The following NEDD4L variants were observed in gnomAD, a reference collection of about 807,000 sequenced individuals.
NEDD4L encodes the protein NEDD4 like E3 ubiquitin protein ligase, also known as E3 ubiquitin-protein ligase NEDD4-like.
NEDD4L carries 54 observed loss-of-function variants against 148.9 expected under a neutral mutation model. The observed-to-expected ratio is 0.36, with a 90% CI of 0.29 to 0.45. The LOEUF is 0.45. Ranked by LOEUF, NEDD4L falls within the 20% of genes least tolerant of loss-of-function variation. The pLI is 1.00. For missense variants in NEDD4L, 856 were observed against 1,233.8 expected (o/e 0.69, Z 4.59); for synonymous variants, 433 against 440.7 (o/e 0.98, Z 0.22).
At chr18:58,158,192 C>G (rs543176867) in intron 1 of NEDD4L, among the ~76,000 whole-genome samples, 31 of 152,338 alleles carry the variant, frequency 2.0e-4, no homozygotes, top group African/African-American at 7.2e-4. Flanking sequence ...AGTTCCTTAT[C>G]GCAGAGATTG....
At chr18:58,181,740 G>GT (rs1204906375) in intron 2 of NEDD4L, among the ~76,000 whole-genome samples, 1 of 152,128 alleles carries the variant, frequency 6.6e-6, no homozygotes, top group Non-Finnish European at 1.5e-5. Context: ...TATATAAATA[G>GT]TTGCCTATAT....
rs1195939221 is a variant in NEDD4L at position 58,256,068 on chromosome 18, G to A, written c.297+4014G>A. 31 of 1,228,640 alleles carry A rather than the reference G, an allele frequency of 2.5e-5. No individual in the cohort carries two copies. The highest frequency in any genetic ancestry group is 9.6e-5 in the East Asian group (3 of 31,376). 76.1% of individuals were successfully genotyped at this position (1,228,640 alleles called of 1,614,324 possible). On this transcript the variant is annotated intron_variant, in intron 5 of 30. Coordinates refer to ENST00000400345, the MANE Select transcript of NEDD4L (RefSeq NM_001144967.3). This position sits in a 1 kb window ranked among gnomAD's most constrained non-coding sequence, Gnocchi z 5.2. ...AGGGCCTCGCCCCAGAGTGGCTCCC[G>A]GGAGCCCTCGCCGAGGGACACCCCC...
rs138964800 is a variant in NEDD4L, at chr18:58,327,183, C to T, written c.681-1812C>T. Reference sequence around the variant, plus strand: ...CACCATCTCGGCTCACTGCAACCTCCGCCTCCCAGGTTCAAGCGATTCTCC... The same window carrying T: ...CACCATCTCGGCTCACTGCAACCTCTGCCTCCCAGGTTCAAGCGATTCTCC... On this transcript the variant is annotated intron_variant, in intron 9 of 30. Transcript: ENST00000400345. Among the ~76,000 whole-genome samples the T allele has an allele frequency of 8.3e-3, 1,267 of 152,238 alleles. 44 individuals are homozygous for T. In the East Asian group the frequency reaches 0.098, roughly 12 times the overall value.
Position 58,265,723 on chromosome 18 carries a change from G to A in NEDD4L, c.297+13669G>A, listed in dbSNP as rs540159855. ...GGACCACAGGTACATGTCAACACAC[G>A]CAGCTAATTTTTTAGTTTTTGTAGA... On this transcript the variant is annotated intron_variant, in intron 5 of 30. Transcript: ENST00000400345. Among the ~76,000 whole-genome samples, 9 of 151,984 alleles carry A rather than the reference G, an allele frequency of 5.9e-5. No homozygotes were observed. In the South Asian group the frequency reaches 1.7e-3, roughly 28 times the overall value.
At chr18:58,231,237 CAAAAA>C (rs67220469) in intron 2 of NEDD4L, among the ~76,000 whole-genome samples, 36,878 of 89,640 alleles carry the variant, frequency 0.41, 5,781 homozygotes, top group African/African-American at 0.54. Context: ...GACCCTATCT[CAAAAA>C]AAAAAAAAAA....
intron 5 of NEDD4L, among the ~76,000 whole-genome samples, chr18:58,253,857 T>G (rs887079295): frequency 6.6e-6 from 1 of 152,208 alleles, no homozygotes; most frequent in Admixed American, 6.5e-5. Context: ...AAAAGGACTT[T>G]GAATACAAAA....
At chr18:58,306,905 A>AGC (rs2057130090) in intron 5 of NEDD4L, among the ~76,000 whole-genome samples, 1 of 152,216 alleles carries the variant, frequency 6.6e-6, no homozygotes, top group East Asian at 1.9e-4. Context: ...AAGTGCTGGG[A>AGC]TTACAGGCGT....
chr18:58,101,469 A>T (rs940728467), intron 1 of NEDD4L, among the ~76,000 whole-genome samples: 1 of 152,002 alleles, frequency 6.6e-6, no homozygotes, highest in African/African-American at 2.4e-5. Context: ...GTGCCTGGTC[A>T]TGGAAAGAGC....
chr18:58,187,084 C>T (rs1231950346), intron 2 of NEDD4L, among the ~76,000 whole-genome samples: 3 of 152,222 alleles, frequency 2.0e-5, no homozygotes, highest in African/African-American at 7.2e-5. Flanking sequence ...GAGAAGGCCA[C>T]TCAGTAGGAA....
Position 58,399,946 on chromosome 18 carries a change from C to G in NEDD4L, c.*3677C>G, listed in dbSNP as rs1347290321. On this transcript the variant is annotated 3_prime_UTR_variant, in exon 31 of 31. Coordinates refer to ENST00000400345, the MANE Select transcript of NEDD4L (RefSeq NM_001144967.3). The stretch of plus-strand genomic sequence containing the variant: ...CACAGCAACTTTTTAATTATTCTAA[C>G]AGTTACCCATTAACAGTCGACTCCT... 1 of 152,234 alleles carries G rather than the reference C, an allele frequency of 6.6e-6. No individual in the cohort carries two copies. Among genetic ancestry groups the G allele is most frequent in the South Asian group, 2.1e-4 (1 of 4,832 alleles). 9.4% of individuals were successfully genotyped at this position (152,234 alleles called of 1,614,324 possible).
intron 6 of NEDD4L, among the ~76,000 whole-genome samples, chr18:58,319,655 C>A (rs1448620702): frequency 6.6e-6 from 1 of 152,202 alleles, no homozygotes; most frequent in African/African-American, 2.4e-5. Flanking sequence ...CTCCAGGGAA[C>A]AGGATCAGAT....
chr18:58,216,622 G>T (rs975192743), intron 2 of NEDD4L, among the ~76,000 whole-genome samples: 1 of 152,220 alleles, frequency 6.6e-6, no homozygotes, highest in Admixed American at 6.5e-5. Flanking sequence ...GCAGAACTGA[G>T]GAAATGTCCT....
rs997137108 is a variant in NEDD4L, at chr18:58,397,389, G to C, written c.*1120G>C. 4 of 152,584 alleles carry C rather than the reference G, an allele frequency of 2.6e-5. No homozygotes were observed. Among genetic ancestry groups the C allele is most frequent in the Admixed American group, 6.5e-5 (1 of 15,280 alleles). The allele number at this position is 152,584 out of a possible 1,614,324, so 9.5% of individuals were successfully genotyped here. ...TATCATGAACATTAAATGTGATGAT[G>C]ATTTCTTTTCCCTGCACACATCTTT... is the stretch of plus-strand genomic sequence containing the variant. On this transcript the variant is annotated 3_prime_UTR_variant, in exon 31 of 31. Coordinates refer to ENST00000400345, the MANE Select transcript of NEDD4L (RefSeq NM_001144967.3).
intron 2 of NEDD4L, among the ~76,000 whole-genome samples, chr18:58,216,332 G>C (rs937137366): frequency 2.6e-5 from 4 of 152,170 alleles, no homozygotes; most frequent in Admixed American, 2.6e-4. Flanking sequence ...CTTTAGGGCT[G>C]TGTGGGTGCT....
intron 5 of NEDD4L, among the ~76,000 whole-genome samples, chr18:58,260,702 A>G (rs1824353153): frequency 6.6e-6 from 1 of 152,238 alleles, no homozygotes; most frequent in Admixed American, 6.5e-5. Flanking sequence ...TGCACAATTA[A>G]AAAGTATATG....
At chr18:58,234,045 T>TTTTC (rs1156456436) in intron 2 of NEDD4L, among the ~76,000 whole-genome samples, 10,320 of 117,224 alleles carry the variant, frequency 0.088, 722 homozygotes, top group Middle Eastern at 0.13. Flanking sequence ...ATTTCTTTCC[T>TTTTC]TTTCTTTCTT....
At position 58,044,496 on chromosome 18, in the gene NEDD4L, C is replaced by T. The variant is rs1228285702; in HGVS notation, c.-165C>T. On this transcript the variant is annotated 5_prime_UTR_variant, in exon 1 of 31. Coordinates refer to ENST00000400345, the MANE Select transcript of NEDD4L (RefSeq NM_001144967.3). ...CGGTGCCGGCAGCGTCCAGGGCGCG[C>T]TCTCGGGCACCCTCACCTGCCGGCG... 7.4e-6 allele frequency: 7 copies of T among 940,710 alleles called. No individual in the cohort carries two copies. The highest frequency in any genetic ancestry group is 9.8e-6 in the Non-Finnish European group (7 of 717,720). 58.3% of individuals were successfully genotyped at this position (940,710 alleles called of 1,614,324 possible). A position where few individuals can be genotyped will look rare whatever the true frequency, so the allele number is the denominator to read the frequency against.
At chr18:58,218,597 A>T (rs1330719200) in intron 2 of NEDD4L, among the ~76,000 whole-genome samples, 1 of 152,150 alleles carries the variant, frequency 6.6e-6, no homozygotes, top group African/African-American at 2.4e-5. Flanking sequence ...CCTTTTGCTT[A>T]TTGCATTCTG....
rs540340208 is a variant in NEDD4L at position 58,046,764 on chromosome 18, A to G, written c.48+2056A>G. On this transcript the variant is annotated intron_variant, in intron 1 of 30. Coordinates refer to ENST00000400345, the MANE Select transcript of NEDD4L (RefSeq NM_001144967.3). ...TTGCTAGAAGGGAATTTGGGGCTGT[A>G]TAGGAAATAGCAAGAGGTGATGAAG... 2.0e-5 allele frequency: 3 copies of G among 152,336 alleles called. No homozygotes were observed. The South Asian group carries it at 6.2e-4, about 32-fold the overall frequency. The allele number at this position is 152,336 out of a possible 1,614,324, so 9.4% of individuals were successfully genotyped here.
Sources: gnomAD v4.1 joint callset for allele counts (sites outside exome capture counted in the v4.1 genomes callset) on GRCh38, gnomAD v4.1.1 for gene constraint, Gnocchi (gnomAD v3.1) non-coding constraint, MANE v1.5 for transcripts, NCBI Gene and HGNC (gene_info 2026-07-23, HGNC 2026-07-21) for gene names.